Variants in EDDM13 observed in about 807,000 individuals in gnomAD.
The protein encoded by EDDM13 is epididymal protein 13.
EDDM13 carries 24 observed loss-of-function variants against 17.8 expected under a neutral mutation model. The ratio of observed to expected loss-of-function variants is 1.35; its 90% CI spans 0.98 to 1.90. The LOEUF (loss-of-function observed/expected upper bound fraction) is 1.90, where lower values mean the gene tolerates loss of function less well. Among genes scored for constraint, EDDM13 ranks in the 40% most tolerant of loss-of-function variants. EDDM13 has a pLI of 0.00. For missense variants in EDDM13, 97 were observed against 100.8 expected, an observed-to-expected ratio of 0.96 and a Z score of 0.16; for synonymous variants, 31 against 37.5, an observed-to-expected ratio of 0.83 and a Z score of 0.63.
chr19:56,278,930 G>A (rs2038466609), intron 2 of EDDM13, among the ~76,000 whole-genome samples: 1 of 152,096 alleles, frequency 6.6e-6, no homozygotes, highest in South Asian at 2.1e-4. Flanking sequence ...CCAACTGGAT[G>A]GTGCTCACCC....
At chr19:56,276,859 T>A (rs746628128) in intron 2 of EDDM13, among the ~76,000 whole-genome samples, 2 of 152,064 alleles carry the variant, frequency 1.3e-5, no homozygotes, top group East Asian at 1.9e-4. Context: ...TATTGATATT[T>A]ACCTTATTGT....
intron 2 of EDDM13, among the ~76,000 whole-genome samples, chr19:56,277,806 T>C (rs2038378267): frequency 6.6e-6 from 1 of 152,142 alleles, no homozygotes; most frequent in Non-Finnish European, 1.5e-5. Flanking sequence ...GGGTACAATG[T>C]ACATTACAAA....
chr19:56,304,684 C>T (rs1017411642), intron 13 of EDDM13, 109 bp from the exon 14 acceptor site: 18 of 579,696 alleles, frequency 3.1e-5, no homozygotes, highest in East Asian at 2.9e-4. Context: ...AGGGGGAGGA[C>T]GGGAAAGAAG....
intron 14 of EDDM13, among the ~76,000 whole-genome samples, chr19:56,306,145 G>A (rs1239009195): frequency 6.6e-6 from 1 of 152,202 alleles, no homozygotes; most frequent in Non-Finnish European, 1.5e-5. Flanking sequence ...GACATGAAGT[G>A]TAGAGGCCAG....
At chr19:56,277,531 G>T (rs1278718449) in intron 2 of EDDM13, among the ~76,000 whole-genome samples, 1 of 151,802 alleles carries the variant, frequency 6.6e-6, no homozygotes, top group African/African-American at 2.4e-5. Context: ...TTTCCAGGGG[G>T]TGAGGGGTGG....
In EDDM13 at chr19:56,272,850, C is replaced by A; in HGVS notation, c.16C>A (p.Pro6Thr). ...CAGCCCCATCATGCACAGATCAGAG[C>A]CATTTCTGAAAATGTCGCTGCTGAT... MHRSE[P>T]FLKMSLLILL... Residue 6 changes from proline (P) to threonine (T), a missense_variant, in exon 1 of 15, where the codon CCA (proline) becomes ACA (threonine). Transcript: ENST00000649256. 2 of 985,184 alleles carry A rather than the reference C, an allele frequency of 2.0e-6. No homozygotes were observed. Among genetic ancestry groups the A allele is most frequent in the Non-Finnish European group, 2.4e-6 (2 of 829,742 alleles). 61.0% of individuals were successfully genotyped at this position (985,184 alleles called of 1,614,324 possible).
At position 56,285,010 on chromosome 19, in the gene EDDM13, G is replaced by A; in HGVS notation, c.140G>A (p.Arg47Lys). ...LLKGIIGLMS[R>K]LSPDGLRHNI... The stretch of plus-strand genomic sequence containing the variant: ...TCTTCTTCCTCAGGTCTCATGAGCA[G>A]ACTGTCACCGGATGGTAAGTGTCAG... The change falls in exon 6 of 15, where the codon AGA becomes AAA. Residue 47 changes from arginine (R) to lysine (K), a missense_variant. By Grantham distance (26) the Arg-to-Lys change is conservative. Coordinates refer to ENST00000649256, the MANE Select transcript of EDDM13 (RefSeq NM_001354658.2). The A allele has an allele frequency of 1.0e-6, 1 of 985,398 alleles. No homozygotes were observed. Among genetic ancestry groups the A allele is most frequent in the Non-Finnish European group, 1.2e-6 (1 of 829,902 alleles). 61.0% of individuals were successfully genotyped at this position (985,398 alleles called of 1,614,324 possible).
intron 8 of EDDM13, among the ~76,000 whole-genome samples, chr19:56,290,069 C>A (rs2039413385): frequency 6.6e-6 from 1 of 152,310 alleles, no homozygotes; most frequent in East Asian, 1.9e-4. Flanking sequence ...GTGGTTTCCC[C>A]AAACTGGCTA....
intron 2 of EDDM13, among the ~76,000 whole-genome samples, chr19:56,276,607 G>T (rs2038287158): frequency 6.6e-6 from 1 of 151,652 alleles, no homozygotes. Context: ...TGCGATCTGG[G>T]TTCACTGCAA....
intron 3 of EDDM13, among the ~76,000 whole-genome samples, chr19:56,281,909 C>G (rs550957833): frequency 3.0e-4 from 45 of 152,248 alleles, no homozygotes; most frequent in African/African-American, 1.1e-3. Flanking sequence ...TTGAGGAGGC[C>G]AACAAGCCTC....
chr19:56,291,446 T>C (rs1383226884), intron 9 of EDDM13, among the ~76,000 whole-genome samples: 1 of 152,240 alleles, frequency 6.6e-6, no homozygotes, highest in East Asian at 1.9e-4. Context: ...CGCATTAATC[T>C]GGAAGACACT....
At chr19:56,297,110 A>T (rs548540933) in intron 11 of EDDM13, among the ~76,000 whole-genome samples, 1 of 152,132 alleles carries the variant, frequency 6.6e-6, no homozygotes, top group African/African-American at 2.4e-5. Context: ...GGAACATGAC[A>T]TGTGAGCAAA....
intron 12 of EDDM13, among the ~76,000 whole-genome samples, chr19:56,300,599 G>A (rs563996204): frequency 4.6e-5 from 7 of 152,312 alleles, no homozygotes; most frequent in African/African-American, 1.4e-4. Context: ...AAAAAGATTA[G>A]TGTAAACGTT....
chr19:56,308,274 C>T (rs973629266), intron 14 of EDDM13, among the ~76,000 whole-genome samples: 22 of 151,948 alleles, frequency 1.4e-4, no homozygotes, highest in Admixed American at 5.2e-4. Context: ...CCTTGTGATC[C>T]GCCCGCCTCG....
chr19:56,292,021 T>G (rs1169264837), intron 9 of EDDM13, among the ~76,000 whole-genome samples: 1 of 152,168 alleles, frequency 6.6e-6, no homozygotes, highest in Non-Finnish European at 1.5e-5. Flanking sequence ...GTATAAAGGT[T>G]AGGTAACTAG....
intron 3 of EDDM13, among the ~76,000 whole-genome samples, chr19:56,282,242 T>C (rs1289188377): frequency 1.3e-5 from 2 of 152,174 alleles, no homozygotes; most frequent in Non-Finnish European, 2.9e-5. Context: ...AGGGTCTGGA[T>C]TCCCCAGGCC....
chr19:56,288,687 CTG>C (rs1262190076), intron 7 of EDDM13, among the ~76,000 whole-genome samples, 185 bp from the exon 8 acceptor site: 3 of 152,182 alleles, frequency 2.0e-5, no homozygotes, highest in African/African-American at 4.8e-5. Flanking sequence ...GTGCTTAAGT[CTG>C]TGTCTTCACC....
In EDDM13 at chr19:56,288,127, C is replaced by T. The variant is rs567892100; in HGVS notation, c.155-258C>T. On this transcript the variant is annotated intron_variant, in intron 6 of 14. Transcript: ENST00000649256. Reference sequence around the variant, plus strand: ...CAGGCCCAAATGGGTCCATGGTGTCCGCTGTTCTTAGGATGAAGGCTGAGG... The same window carrying T: ...CAGGCCCAAATGGGTCCATGGTGTCTGCTGTTCTTAGGATGAAGGCTGAGG... Among the ~76,000 whole-genome samples the T allele has an allele frequency of 1.4e-4, 21 of 152,220 alleles. No homozygotes were observed. In the South Asian group the frequency reaches 2.1e-3, roughly 15 times the overall value.
intron 9 of EDDM13, among the ~76,000 whole-genome samples, chr19:56,293,631 T>C (rs543224288): frequency 6.6e-6 from 1 of 152,296 alleles, no homozygotes; most frequent in African/African-American, 2.4e-5. Context: ...CACATAATAG[T>C]TCCAGCCTCA....
Sources: allele counts gnomAD v4.1 joint callset (sites outside exome capture counted in the v4.1 genomes callset), GRCh38; gene constraint gnomAD v4.1.1; transcripts MANE v1.5; gene names NCBI Gene and HGNC (gene_info 2026-07-23, HGNC 2026-07-21).